The following VTI1A variants were observed in gnomAD, a reference collection of about 807,000 sequenced individuals.
The protein encoded by VTI1A is vesicle transport through interaction with t-SNAREs homolog 1A.
A neutral mutation model predicts 34.9 loss-of-function variants in VTI1A; 22 were observed. The observed-to-expected ratio is 0.63, with a 90% CI of 0.45 to 0.90. The LOEUF (loss-of-function observed/expected upper bound fraction) is 0.90. Among genes scored for constraint, VTI1A ranks in the 40% least tolerant of loss-of-function variants. The probability of loss-of-function intolerance (pLI) is 0.00; values close to 1 mark genes in which losing one functional copy is unlikely to be tolerated. For synonymous variants in VTI1A, 87 were observed against 97.3 expected, an observed-to-expected ratio of 0.89 and a Z score of 0.62; for missense variants, 268 against 275.6, an observed-to-expected ratio of 0.97 and a Z score of 0.20.
At chr10:112,547,405 C>T (rs1000169736) in intron 5 of VTI1A, among the ~76,000 whole-genome samples, 6 of 151,880 alleles carry the variant, frequency 4.0e-5, no homozygotes, top group African/African-American at 7.3e-5. Context: ...GGTGAAACCC[C>T]GTCTCTATTA....
intron 3 of VTI1A, among the ~76,000 whole-genome samples, chr10:112,493,015 T>C (rs1258703194): frequency 6.6e-6 from 1 of 152,186 alleles, no homozygotes. Flanking sequence ...CTTTCCATAG[T>C]TTTGCCTTTT....
intron 5 of VTI1A, among the ~76,000 whole-genome samples, chr10:112,543,687 G>A (rs1278343124): frequency 6.6e-6 from 1 of 152,198 alleles, no homozygotes; most frequent in Non-Finnish European, 1.5e-5. Flanking sequence ...AGCTTAATTA[G>A]ATCCCGTTTG....
intron 7 of VTI1A, among the ~76,000 whole-genome samples, chr10:112,794,893 C>G (rs1177895469): frequency 3.3e-5 from 5 of 152,074 alleles, no homozygotes; most frequent in Admixed American, 2.0e-4. Context: ...TATCAGTACC[C>G]AAAGAGCATT....
chr10:112,518,638 TGTGTATATAC>T (rs1286436458), intron 3 of VTI1A, among the ~76,000 whole-genome samples: 1 of 120,920 alleles, frequency 8.3e-6, no homozygotes, highest in Non-Finnish European at 1.8e-5. Flanking sequence ...TGTATATATA[TGTGTATATAC>T]GTGTATATAT....
At chr10:112,823,886 G>A in the VTI1A span, 2 of 152,260 alleles carry the variant, frequency 1.3e-5, no homozygotes, top group Non-Finnish European at 2.9e-5. Flanking sequence ...TTTGAGCTTT[G>A]TGGGCCCTAG....
intron 7 of VTI1A, among the ~76,000 whole-genome samples, chr10:112,687,219 CTTTTTTTTTTTTTTT>C (rs71303594): frequency 1.1e-4 from 9 of 84,568 alleles, no homozygotes; most frequent in Admixed American, 2.6e-4. Flanking sequence ...CATACTACAA[CTTTTTTTTTTTTTTT>C]TTTTTTTTTT....
At chr10:112,654,208 G>A (rs77115719) in intron 5 of VTI1A, among the ~76,000 whole-genome samples, 2,453 of 152,270 alleles carry the variant, frequency 0.016, 27 homozygotes, top group Non-Finnish European at 0.025. Flanking sequence ...TTTATAAAAT[G>A]AATAATTTTT....
intron 7 of VTI1A, among the ~76,000 whole-genome samples, chr10:112,697,195 C>CT (rs757143967): frequency 0.015 from 2,043 of 140,034 alleles, 24 homozygotes; most frequent in African/African-American, 0.028. Context: ...TTCTTCTGTT[C>CT]TTTTTTTTTT....
rs978504171 is a variant in VTI1A at position 112,767,296 on chromosome 10, A to T, written c.561-47994A>T. On this transcript the variant is annotated intron_variant, in intron 7 of 7. Transcript: ENST00000393077. This position sits in a 1 kb window ranked among gnomAD's most constrained non-coding sequence, Gnocchi z 4.0. The stretch of plus-strand genomic sequence containing the variant: ...GATGGTAAGGCCAAGGCCCAAAGTC[A>T]TGAACTAGTAAGTGGAGATCCTGGA... Among the ~76,000 whole-genome samples the T allele has an allele frequency of 6.6e-6, 1 of 152,206 alleles. No individual in the cohort carries two copies. The highest frequency in any genetic ancestry group is 1.5e-5 in the Non-Finnish European group (1 of 68,024).
chr10:112,693,277 T>C (rs1476096527), intron 7 of VTI1A, among the ~76,000 whole-genome samples: 4 of 152,234 alleles, frequency 2.6e-5, no homozygotes, highest in African/African-American at 9.6e-5. Flanking sequence ...CGGGGCGTGA[T>C]GGCTCATGTC....
intron 5 of VTI1A, among the ~76,000 whole-genome samples, chr10:112,582,920 C>T (rs1208969700): frequency 6.6e-6 from 1 of 152,158 alleles, no homozygotes; most frequent in Non-Finnish European, 1.5e-5. Context: ...ATAAGACCCT[C>T]TAAATCTCCA....
intron 7 of VTI1A, among the ~76,000 whole-genome samples, chr10:112,722,214 A>G (rs1490865955): frequency 2.0e-5 from 3 of 152,240 alleles, no homozygotes; most frequent in African/African-American, 4.8e-5. Context: ...CAGATGCTGT[A>G]TACAACAAGG....
intron 7 of VTI1A, among the ~76,000 whole-genome samples, chr10:112,695,689 T>A (rs1009734070): frequency 3.3e-5 from 5 of 152,206 alleles, no homozygotes; most frequent in African/African-American, 1.2e-4. Context: ...ACGTTGCAGA[T>A]GCACTGCGTG....
intron 3 of VTI1A, among the ~76,000 whole-genome samples, chr10:112,490,839 C>G (rs931056551): frequency 2.0e-5 from 3 of 151,996 alleles, no homozygotes; most frequent in South Asian, 2.1e-4. Flanking sequence ...TGCTGGCAGC[C>G]GGGACCTGGC....
intron 7 of VTI1A, among the ~76,000 whole-genome samples, chr10:112,811,356 C>G (rs1197543773): frequency 6.6e-6 from 1 of 152,200 alleles, no homozygotes; most frequent in African/African-American, 2.4e-5. Flanking sequence ...AACTTTTGCT[C>G]TCATTTCTTT....
intron 5 of VTI1A, among the ~76,000 whole-genome samples, chr10:112,573,336 C>T (rs1277445357): frequency 6.6e-6 from 1 of 152,096 alleles, no homozygotes; most frequent in African/African-American, 2.4e-5. Context: ...TCTTTATTGT[C>T]CCGTTTTCCT....
chr10:112,605,470 C>G (rs1161294660), intron 5 of VTI1A, among the ~76,000 whole-genome samples: 1 of 152,178 alleles, frequency 6.6e-6, no homozygotes, highest in Non-Finnish European at 1.5e-5. Context: ...ACAACCTTAG[C>G]TGCTTCTGAG....
At chr10:112,774,067 A>G (rs984089508) in intron 7 of VTI1A, among the ~76,000 whole-genome samples, 1 of 152,188 alleles carries the variant, frequency 6.6e-6, no homozygotes, top group African/African-American at 2.4e-5. Context: ...GGCTGTGAGT[A>G]GCTGCAGCGC....
chr10:112,703,433 G>A (rs1050093745), intron 7 of VTI1A, among the ~76,000 whole-genome samples: 2 of 152,096 alleles, frequency 1.3e-5, no homozygotes, highest in African/African-American at 4.8e-5. Context: ...CAGGCATGGT[G>A]GCACATGCTT....
Sources: gnomAD v4.1 joint callset for allele counts (sites outside exome capture counted in the v4.1 genomes callset) on GRCh38, gnomAD v4.1.1 for gene constraint, Gnocchi (gnomAD v3.1) non-coding constraint, MANE v1.5 for transcripts, NCBI Gene and HGNC (gene_info 2026-07-23, HGNC 2026-07-21) for gene names.